Variants in SPSB1 observed in about 807,000 individuals in gnomAD.
The protein encoded by SPSB1 is splA/ryanodine receptor domain and SOCS box containing 1.
SPSB1 carries 8 observed loss-of-function variants against 21.2 expected under a neutral mutation model. The ratio of observed to expected loss-of-function variants is 0.38; its 90% CI spans 0.22 to 0.68. SPSB1 has a LOEUF of 0.68. SPSB1 is among the 30% of genes least tolerant of loss of function. The pLI is 0.53. For synonymous variants in SPSB1, 169 were observed against 161.7 expected (o/e 1.05, Z -0.34); for missense variants, 242 against 377.8 (o/e 0.64, Z 2.98).
At chr1:9,306,723 T>C (rs184163050) in intron 1 of SPSB1, among the ~76,000 whole-genome samples, 1 of 151,916 alleles carries the variant, frequency 6.6e-6, no homozygotes, top group East Asian at 1.9e-4. Flanking sequence ...GAGAGATAGG[T>C]CAGCAGAGTG....
rs1569653734 is a variant in SPSB1, at chr1:9,356,500, A to G, written c.609A>G (p.Gly203=). 6.2e-7 allele frequency: 1 copy of G among 1,613,384 alleles called. No homozygotes were observed. The highest frequency in any genetic ancestry group is 8.5e-7 in the Non-Finnish European group (1 of 1,179,802). The change falls in exon 2 of 3, where the codon GGA becomes GGG. Residue 203 remains glycine (G), a synonymous_variant. Coordinates refer to ENST00000328089, the MANE Select transcript of SPSB1 (RefSeq NM_025106.4). The surrounding 1 kb of genome is among the most constrained non-coding windows in gnomAD (Gnocchi z 7.4). ...DGQYMGVAFR[G]LKGKKLYPVV... is the part of the protein sequence containing the mutation. The stretch of plus-strand genomic sequence containing the variant: ...AGTACATGGGAGTGGCTTTTCGGGG[A>G]CTCAAGGGCAAAAAACTGTATCCTG...
At chr1:9,341,913 G>T (rs1282742972) in intron 1 of SPSB1, among the ~76,000 whole-genome samples, 1 of 152,106 alleles carries the variant, frequency 6.6e-6, no homozygotes, top group Non-Finnish European at 1.5e-5. Context: ...TGTTGGTCAG[G>T]CTGGTCTCGA....
chr1:9,292,991 G>C lies in SPSB1; in HGVS notation c.-230G>C. The C allele has an allele frequency of 1.0e-6, 1 of 983,080 alleles. No homozygotes were observed. Among genetic ancestry groups the C allele is most frequent in the African/African-American group, 1.8e-5 (1 of 56,926 alleles). The allele number at this position is 983,080 out of a possible 1,614,324, so 60.9% of individuals were successfully genotyped here. ...GGGGCCGCGGGGAGGAGGCGACTTC[G>C]CTCCCTGCGGCGGGCGCGGCCCGGG... On this transcript the variant is annotated 5_prime_UTR_variant, in exon 1 of 3. Coordinates refer to ENST00000328089, the MANE Select transcript of SPSB1 (RefSeq NM_025106.4).
intron 1 of SPSB1, among the ~76,000 whole-genome samples, chr1:9,351,821 AG>A (rs1047648394): frequency 1.6e-4 from 25 of 152,170 alleles, no homozygotes; most frequent in African/African-American, 5.8e-4. Flanking sequence ...GAGTAGCCCT[AG>A]GGCCACCACA....
At chr1:9,341,062 CA>C (rs1640083244) in intron 1 of SPSB1, among the ~76,000 whole-genome samples, 3 of 152,210 alleles carry the variant, frequency 2.0e-5, no homozygotes, top group Admixed American at 6.5e-5. Context: ...CTAGCCCATT[CA>C]ATGGATATTG....
chr1:9,340,809 C>T (rs12403093), intron 1 of SPSB1, among the ~76,000 whole-genome samples: 3,778 of 152,372 alleles, frequency 0.025, 61 homozygotes, highest in Non-Finnish European at 0.035. Flanking sequence ...CCTTTCTCAA[C>T]GCAGCCTGTC....
intron 1 of SPSB1, among the ~76,000 whole-genome samples, chr1:9,300,928 A>C (rs1225922564): frequency 6.6e-6 from 1 of 152,236 alleles, no homozygotes; most frequent in African/African-American, 2.4e-5. Flanking sequence ...AGATGGCTAC[A>C]GATGGCTCTG....
At position 9,337,179 on chromosome 1, in the gene SPSB1, AG is replaced by A. The variant is rs1463176946; in HGVS notation, c.-149-18563del. ...CTGGTCGTTTCCATCTGGTTGTCCTAGAAACGGTCCATTTATGTTACCAGCA... is the reference window on the plus strand; with the variant it reads ...CTGGTCGTTTCCATCTGGTTGTCCTAAAACGGTCCATTTATGTTACCAGCA... On this transcript the variant is annotated intron_variant, in intron 1 of 2. Transcript: ENST00000328089. Among the ~76,000 whole-genome samples the A allele has an allele frequency of 2.0e-5, 3 of 152,242 alleles. No individual in the cohort carries two copies. The East Asian group carries it at 5.8e-4, about 29-fold the overall frequency.
chr1:9,305,997 C>T lies in SPSB1; in HGVS notation c.-150+12926C>T, dbSNP rs561341248. ...GGGACATTTGTGCAATTGCGAGTAA[C>T]GTGGGAGAGGGGTTCGTGCTTTAGG... On this transcript the variant is annotated intron_variant, in intron 1 of 2. Coordinates refer to ENST00000328089, the MANE Select transcript of SPSB1 (RefSeq NM_025106.4). This position sits in a 1 kb window ranked among gnomAD's most constrained non-coding sequence, Gnocchi z 4.8. Among the ~76,000 whole-genome samples the T allele has an allele frequency of 3.9e-5, 6 of 152,078 alleles. No homozygotes were observed. The highest frequency in any genetic ancestry group is 1.9e-4 in the East Asian group (1 of 5,182).
intron 1 of SPSB1, among the ~76,000 whole-genome samples, chr1:9,295,731 G>C (rs143398862): frequency 0.014 from 2,129 of 152,320 alleles, 24 homozygotes; most frequent in Middle Eastern, 0.044. Flanking sequence ...CTCCTCCTGG[G>C]TGGATGGAAA....
chr1:9,330,953 T>TA lies in SPSB1; in HGVS notation c.-149-24781dup, dbSNP rs965533225. Among the ~76,000 whole-genome samples, 13 of 151,388 alleles carry TA rather than the reference T, an allele frequency of 8.6e-5. No individual in the cohort carries two copies. The East Asian group carries it at 1.6e-3, about 18-fold the overall frequency. ...TCTGCGTCTTTTTTTTTTACATACT[T>TA]AAAAAAAAATCCTAAATCTTTTATT... On this transcript the variant is annotated intron_variant, in intron 1 of 2. Coordinates refer to ENST00000328089, the MANE Select transcript of SPSB1 (RefSeq NM_025106.4).
At chr1:9,312,981 C>G (rs1448530023) in intron 1 of SPSB1, among the ~76,000 whole-genome samples, 2 of 152,226 alleles carry the variant, frequency 1.3e-5, no homozygotes, top group Non-Finnish European at 2.9e-5. Flanking sequence ...TTGATGTTTA[C>G]TGAGTGCTTG....
Position 9,356,320 on chromosome 1 carries a change from C to T in SPSB1, c.429C>T (p.Asp143=). Residue 143 remains aspartate, a synonymous_variant, in exon 2 of 3, where the codon GAC becomes GAT. Transcript: ENST00000328089. This position sits in a 1 kb window ranked among gnomAD's most constrained non-coding sequence, Gnocchi z 7.4. Reference sequence around the variant, plus strand: ...ATAACCACGAGTCCTGGGGCTGGGACTTGGGGCGCAACCGGCTCTACCACG... The same window carrying T: ...ATAACCACGAGTCCTGGGGCTGGGATTTGGGGCGCAACCGGCTCTACCACG... ...VGNNHESWGW[D]LGRNRLYHDG... The T allele has an allele frequency of 6.2e-7, 1 of 1,613,872 alleles. No homozygotes were observed. The highest frequency in any genetic ancestry group is 8.5e-7 in the Non-Finnish European group (1 of 1,180,028).
intron 1 of SPSB1, among the ~76,000 whole-genome samples, chr1:9,308,779 C>A (rs1217985493): frequency 6.6e-6 from 1 of 152,076 alleles, no homozygotes; most frequent in Non-Finnish European, 1.5e-5. Flanking sequence ...TGGCATGACT[C>A]CCTGGATGCT....
chr1:9,356,729 T>C lies in SPSB1; in HGVS notation c.694+144T>C. ...GTATTCAGACCCTCAGAGGCAACTT[T>C]TGCATCGGGTTAAGTGAGGAATTCT... is the stretch of plus-strand genomic sequence containing the variant. On this transcript the variant is annotated intron_variant, in intron 2 of 2. Coordinates refer to ENST00000328089, the MANE Select transcript of SPSB1 (RefSeq NM_025106.4). This position sits in a 1 kb window ranked among gnomAD's most constrained non-coding sequence, Gnocchi z 7.4. The C allele has an allele frequency of 1.5e-6, 2 of 1,340,512 alleles. No homozygotes were observed. The highest frequency in any genetic ancestry group is 1.6e-5 in the South Asian group (1 of 60,646). 83.0% of individuals were successfully genotyped at this position (1,340,512 alleles called of 1,614,324 possible).
intron 1 of SPSB1, among the ~76,000 whole-genome samples, chr1:9,316,760 T>C (rs11121370): frequency 0.085 from 12,927 of 152,190 alleles, 1,564 homozygotes; most frequent in African/African-American, 0.27. Context: ...GGAAGCGGCA[T>C]TGGGTCTGGG....
At position 9,321,407 on chromosome 1, in the gene SPSB1, C is replaced by A. The variant is rs1241068590; in HGVS notation, c.-150+28336C>A. ...GGCCCATTCTTGGGAGAGAGCGGAT[C>A]CTGTGTGATTTTACGGAACTTGTCC... is the stretch of plus-strand genomic sequence containing the variant. On this transcript the variant is annotated intron_variant, in intron 1 of 2. Coordinates refer to ENST00000328089, the MANE Select transcript of SPSB1 (RefSeq NM_025106.4). This position sits in a 1 kb window ranked among gnomAD's most constrained non-coding sequence, Gnocchi z 4.8. Among the ~76,000 whole-genome samples, 4 of 152,104 alleles carry A rather than the reference C, an allele frequency of 2.6e-5. No individual in the cohort carries two copies. In the South Asian group the frequency reaches 8.3e-4, roughly 32 times the overall value.
At position 9,324,671 on chromosome 1, in the gene SPSB1, T is replaced by A. The variant is rs1037267023; in HGVS notation, c.-149-31072T>A. ...TCTTGTTCCTATAAAGGGCACTTTG[T>A]GTGTGGCTCCTGGCAGGAGGCAGCG... On this transcript the variant is annotated intron_variant, in intron 1 of 2. Coordinates refer to ENST00000328089, the MANE Select transcript of SPSB1 (RefSeq NM_025106.4). This position sits in a 1 kb window ranked among gnomAD's most constrained non-coding sequence, Gnocchi z 4.3. Among the ~76,000 whole-genome samples the A allele has an allele frequency of 1.3e-5, 2 of 152,144 alleles. No individual in the cohort carries two copies. Among genetic ancestry groups the A allele is most frequent in the Non-Finnish European group, 2.9e-5 (2 of 68,016 alleles).
rs1364508027 is a variant in SPSB1, at chr1:9,321,222, T to A, written c.-150+28151T>A. ...CAGAGGCGTCTCAGGCGGTGGGCCT[T>A]AAACATTTACATTCTTGGGGCTTAG... On this transcript the variant is annotated intron_variant, in intron 1 of 2. Transcript: ENST00000328089. This position sits in a 1 kb window ranked among gnomAD's most constrained non-coding sequence, Gnocchi z 4.8. 6.6e-6 allele frequency among the ~76,000 whole-genome samples: 1 copy of A among 152,000 alleles called. No homozygotes were observed. The highest frequency in any genetic ancestry group is 2.4e-5 in the African/African-American group (1 of 41,356).
Sources: allele counts gnomAD v4.1 joint callset (sites outside exome capture counted in the v4.1 genomes callset), GRCh38; gene constraint gnomAD v4.1.1; non-coding constraint Gnocchi (gnomAD v3.1); transcripts MANE v1.5; gene names NCBI Gene and HGNC (gene_info 2026-07-23, HGNC 2026-07-21).